RBPMS: variants seen among roughly 807,000 people sequenced by gnomAD.
The protein encoded by RBPMS is RNA-binding protein with multiple splicing.
A neutral mutation model predicts 26.8 loss-of-function variants in RBPMS; 7 were observed. The observed-to-expected ratio is 0.26, with a 90% CI of 0.15 to 0.49. The LOEUF (loss-of-function observed/expected upper bound fraction) is 0.49. RBPMS is among the 20% of genes least tolerant of loss of function. The pLI is 0.98. For missense variants in RBPMS, 186 were observed against 250.0 expected, an observed-to-expected ratio of 0.74 and a Z score of 1.73; for synonymous variants, 96 against 93.3, an observed-to-expected ratio of 1.03 and a Z score of -0.17.
At chr8:30,436,685 C>T (rs1202416558) in intron 1 of RBPMS, among the ~76,000 whole-genome samples, 3 of 152,210 alleles carry the variant, frequency 2.0e-5, no homozygotes, top group Admixed American at 2.0e-4. Context: ...TTCCCTGCTT[C>T]TCCAAGTCTA....
rs1158058157 is a variant in RBPMS at position 30,572,209 on chromosome 8, C to CTT, written c.*1687_*1688dup. The CTT allele has an allele frequency of 3.3e-5, 5 of 152,196 alleles. No individual in the cohort carries two copies. Among genetic ancestry groups the CTT allele is most frequent in the Non-Finnish European group, 7.3e-5 (5 of 68,038 alleles). 9.4% of individuals were successfully genotyped at this position (152,196 alleles called of 1,614,324 possible). On this transcript the variant is annotated 3_prime_UTR_variant, in exon 9 of 9. Coordinates refer to ENST00000397323, the MANE Select transcript of RBPMS (RefSeq NM_001008710.3). Reference sequence around the variant, plus strand: ...ATGCTTTTATAACTGTTTAAAGGTACTTTTCTATTGTCATTTTTAAAAAAT... The same window carrying CTT: ...ATGCTTTTATAACTGTTTAAAGGTACTTTTTTCTATTGTCATTTTTAAAAAAT...
At chr8:30,520,560 T>C in intron 5 of RBPMS, among the ~76,000 whole-genome samples, 1 of 152,222 alleles carries the variant, frequency 6.6e-6, no homozygotes, top group Non-Finnish European at 1.5e-5. Flanking sequence ...GTAGGAATGA[T>C]GGAGTCTCAC....
intron 1 of RBPMS, among the ~76,000 whole-genome samples, chr8:30,437,523 G>A (rs1563317524): frequency 6.6e-6 from 1 of 151,946 alleles, no homozygotes; most frequent in Non-Finnish European, 1.5e-5. Flanking sequence ...GGGCTTGGTG[G>A]CTCATGCCTG....
intron 1 of RBPMS, among the ~76,000 whole-genome samples, chr8:30,456,756 C>T (rs919062010): frequency 3.3e-5 from 5 of 152,132 alleles, no homozygotes; most frequent in African/African-American, 1.2e-4. Flanking sequence ...CCCGTCTCTA[C>T]CAAAATGTAC....
chr8:30,541,290 C>T (rs1284553539), intron 5 of RBPMS, among the ~76,000 whole-genome samples: 3 of 152,250 alleles, frequency 2.0e-5, no homozygotes, highest in Admixed American at 2.0e-4. Flanking sequence ...CTTCATCAGA[C>T]GCTCTGCAGT....
chr8:30,569,020 G>A (rs919128085), intron 8 of RBPMS, among the ~76,000 whole-genome samples: 3 of 152,188 alleles, frequency 2.0e-5, no homozygotes, highest in Non-Finnish European at 2.9e-5. Flanking sequence ...GCCTGCTCAG[G>A]GGCTGGGGCA....
intron 5 of RBPMS, among the ~76,000 whole-genome samples, chr8:30,536,220 C>G (rs940995745): frequency 6.6e-6 from 1 of 151,870 alleles, no homozygotes; most frequent in African/African-American, 2.4e-5. Flanking sequence ...CTCCGCCTCC[C>G]AGGTTCAAGC....
chr8:30,454,969 C>T (rs535948134), intron 1 of RBPMS, among the ~76,000 whole-genome samples: 3 of 152,218 alleles, frequency 2.0e-5, no homozygotes, highest in Non-Finnish European at 4.4e-5. Context: ...ATTACAGGCA[C>T]CCGCCATCAC....
At chr8:30,385,769 G>A (rs1246439936) in intron 1 of RBPMS, among the ~76,000 whole-genome samples, 1 of 152,204 alleles carries the variant, frequency 6.6e-6, no homozygotes, top group Non-Finnish European at 1.5e-5. Context: ...AGCAGAGTAA[G>A]AGGGTTAAAA....
At chr8:30,410,557 T>C (rs1355552012) in intron 1 of RBPMS, among the ~76,000 whole-genome samples, 1 of 151,252 alleles carries the variant, frequency 6.6e-6, no homozygotes, top group East Asian at 1.9e-4. Context: ...TATATATAGG[T>C]GTGTGTGTAT....
At chr8:30,424,550 G>T (rs1389249350) in intron 1 of RBPMS, among the ~76,000 whole-genome samples, 2 of 152,150 alleles carry the variant, frequency 1.3e-5, no homozygotes, top group Admixed American at 1.3e-4. Context: ...TTCATAACTA[G>T]GTTCATACTC....
intron 1 of RBPMS, among the ~76,000 whole-genome samples, chr8:30,424,839 G>A (rs747057499): frequency 1.3e-5 from 2 of 152,152 alleles, no homozygotes; most frequent in Admixed American, 1.3e-4. Flanking sequence ...AAGCATGGCT[G>A]TTGTATTTCC....
At chr8:30,530,962 T>C (rs1824157567) in intron 5 of RBPMS, among the ~76,000 whole-genome samples, 1 of 152,126 alleles carries the variant, frequency 6.6e-6, no homozygotes, top group Non-Finnish European at 1.5e-5. Flanking sequence ...GCAAACCGTA[T>C]GTATAAGTAT....
intron 1 of RBPMS, among the ~76,000 whole-genome samples, chr8:30,468,366 C>G (rs1416416470): frequency 6.6e-6 from 1 of 151,978 alleles, no homozygotes; most frequent in Non-Finnish European, 1.5e-5. Flanking sequence ...TTCAGTCTAT[C>G]TCTTACATTT....
chr8:30,458,106 C>A (rs976451234), intron 1 of RBPMS, among the ~76,000 whole-genome samples: 1 of 152,108 alleles, frequency 6.6e-6, no homozygotes, highest in African/African-American at 2.4e-5. Flanking sequence ...AGGTTACTTA[C>A]AATAGCTAAT....
rs1821948026 is a variant in RBPMS at position 30,513,502 on chromosome 8, T to C, written c.397+9066T>C. Among the ~76,000 whole-genome samples the C allele has an allele frequency of 2.8e-5, 4 of 144,350 alleles. No individual in the cohort carries two copies. The South Asian group carries it at 9.0e-4, about 32-fold the overall frequency. The allele number at this position is 144,350 out of a possible 152,430, so 94.7% of individuals were successfully genotyped here. A position where few individuals can be genotyped will look rare whatever the true frequency, so the allele number is the denominator to read the frequency against. The stretch of plus-strand genomic sequence containing the variant: ...TACTCGGGAGGCTGAGGCAGGAGAA[T>C]GGTGTAAACCCAGAGGCAGAGCTTG... On this transcript the variant is annotated intron_variant, in intron 5 of 8. Coordinates refer to ENST00000397323, the MANE Select transcript of RBPMS (RefSeq NM_001008710.3).
chr8:30,473,890 G>T (rs1161737602), intron 1 of RBPMS, among the ~76,000 whole-genome samples: 1 of 152,114 alleles, frequency 6.6e-6, no homozygotes, highest in African/African-American at 2.4e-5. Flanking sequence ...TGAAGGATGA[G>T]GGCACAGGGA....
intron 3 of RBPMS, among the ~76,000 whole-genome samples, chr8:30,478,725 C>A (rs1401133841): frequency 6.6e-6 from 1 of 152,162 alleles, no homozygotes; most frequent in African/African-American, 2.4e-5. Context: ...GTCTTGATCT[C>A]TTGACCTCGT....
chr8:30,525,023 G>A (rs1823433137), intron 5 of RBPMS, among the ~76,000 whole-genome samples: 2 of 152,188 alleles, frequency 1.3e-5, no homozygotes, highest in Middle Eastern at 3.4e-3. Flanking sequence ...TGTTTGATGT[G>A]TCATTAAAAG....
Sources: allele counts gnomAD v4.1 joint callset (sites outside exome capture counted in the v4.1 genomes callset), GRCh38; gene constraint gnomAD v4.1.1; transcripts MANE v1.5; gene names NCBI Gene and HGNC (gene_info 2026-07-23, HGNC 2026-07-21).